FAM107B: variants seen among roughly 807,000 people sequenced by gnomAD.
FAM107B encodes family with sequence similarity 107 member B.
A neutral mutation model predicts 31.5 loss-of-function variants in FAM107B; 21 were observed. That is an observed-to-expected ratio of 0.67 (90% CI 0.47 to 0.96). The LOEUF is 0.96. Among genes scored for constraint, FAM107B ranks in the 40% least tolerant of loss-of-function variants. FAM107B has a pLI of 0.00. For synonymous variants in FAM107B, 157 were observed against 141.5 expected (o/e 1.11, Z -0.78); for missense variants, 452 against 377.1 (o/e 1.20, Z -1.64).
intron 2 of FAM107B, among the ~76,000 whole-genome samples, chr10:14,656,875 G>A (rs1279938274): frequency 6.6e-6 from 1 of 152,172 alleles, no homozygotes; most frequent in African/African-American, 2.4e-5. Context: ...CTTACAACCT[G>A]GGCAAACTTC....
chr10:14,581,795 C>T (rs917546822), intron 2 of FAM107B, among the ~76,000 whole-genome samples: 2 of 152,118 alleles, frequency 1.3e-5, no homozygotes, highest in Admixed American at 6.5e-5. Flanking sequence ...CCCAGCTACT[C>T]GGGAGGCTGG....
intron 2 of FAM107B, among the ~76,000 whole-genome samples, chr10:14,581,232 G>A (rs192202878): frequency 7.5e-4 from 115 of 152,328 alleles, no homozygotes; most frequent in Admixed American, 1.2e-3. Context: ...AGGGTGGCCC[G>A]GAGGCCTCTG....
intron 3 of FAM107B, among the ~76,000 whole-genome samples, chr10:14,526,503 T>C (rs1372310201): frequency 1.3e-5 from 2 of 152,220 alleles, no homozygotes; most frequent in Non-Finnish European, 2.9e-5. Flanking sequence ...TCTTTAATCT[T>C]GTAATCTTTG....
chr10:14,569,137 G>C (rs1294642105), intron 2 of FAM107B, among the ~76,000 whole-genome samples: 1 of 152,118 alleles, frequency 6.6e-6, no homozygotes, highest in Non-Finnish European at 1.5e-5. Flanking sequence ...AATCATCCTC[G>C]TTCTGATGTT....
At chr10:14,653,357 T>C (rs1419499819) in intron 2 of FAM107B, among the ~76,000 whole-genome samples, 1 of 152,210 alleles carries the variant, frequency 6.6e-6, no homozygotes, top group Non-Finnish European at 1.5e-5. Flanking sequence ...GATCGAAATC[T>C]ATCTAAAAGG....
intron 2 of FAM107B, chr10:14,604,129 G>T: frequency 5.1e-6 from 1 of 196,338 alleles, no homozygotes; most frequent in Non-Finnish European, 8.7e-6. Context: ...CCACCCGCCC[G>T]GCCGCCCGCC....
Position 14,664,900 on chromosome 10 carries a change from T to A in FAM107B, c.469+2734A>T, listed in dbSNP as rs1352623755. On this transcript the variant is annotated intron_variant, in intron 2 of 4. Transcript: ENST00000181796. ...GGTTAATCAATATGGGAGATCTGGA[T>A]AGAATGAACTACAACTAGAAACACA... Among the ~76,000 whole-genome samples, 10 of 152,186 alleles carry A rather than the reference T, an allele frequency of 6.6e-5. No individual in the cohort carries two copies. The East Asian group carries it at 1.9e-3, about 29-fold the overall frequency.
intron 1 of FAM107B, among the ~76,000 whole-genome samples, chr10:14,767,020 G>GTATATATATATATATATA (rs1554757965): frequency 9.9e-5 from 3 of 30,412 alleles, no homozygotes; most frequent in South Asian, 2.4e-3. Context: ...TCCCTGATGT[G>GTATATATATATATATATA]TATGTATATA....
rs373592033 is a variant in FAM107B at position 14,596,319 on chromosome 10, T to C, written c.470-65804A>G. On this transcript the variant is annotated intron_variant, in intron 2 of 4. Coordinates refer to ENST00000181796, the MANE Select transcript of FAM107B (RefSeq NM_031453.4). ...CTGACCATGGGAATCACCTCATCCA[T>C]GTATCTGTTTACCTTCTGTCATGCA... Among the ~76,000 whole-genome samples the C allele has an allele frequency of 4.6e-5, 7 of 152,304 alleles. No individual in the cohort carries two copies. The South Asian group carries it at 1.4e-3, about 32-fold the overall frequency.
chr10:14,771,393 AC>A (rs1263835225), intron 1 of FAM107B, among the ~76,000 whole-genome samples: 5 of 152,244 alleles, frequency 3.3e-5, no homozygotes, highest in Non-Finnish European at 5.9e-5. Flanking sequence ...GTTAGAAGGA[AC>A]AAATTCGAGT....
intron 2 of FAM107B, among the ~76,000 whole-genome samples, chr10:14,657,303 TA>T (rs1171871325): frequency 6.6e-6 from 1 of 152,174 alleles, no homozygotes; most frequent in Admixed American, 6.5e-5. Flanking sequence ...TAACACCACT[TA>T]ACAGATTCGG....
chr10:14,530,173 G>A, intron 3 of FAM107B, 159 bp downstream of exon 3: 1 of 787,424 alleles, frequency 1.3e-6, no homozygotes, highest in Non-Finnish European at 2.0e-6. Flanking sequence ...GCCTCACGGA[G>A]GGGTAACCCG....
At chr10:14,731,825 T>A (rs548477844) in intron 1 of FAM107B, among the ~76,000 whole-genome samples, 1 of 152,286 alleles carries the variant, frequency 6.6e-6, no homozygotes, top group East Asian at 1.9e-4. Context: ...GGCTACAGCA[T>A]CCAGCCCAGG....
At chr10:14,660,745 A>G (rs1854212768) in intron 2 of FAM107B, among the ~76,000 whole-genome samples, 1 of 152,250 alleles carries the variant, frequency 6.6e-6, no homozygotes, top group Non-Finnish European at 1.5e-5. Flanking sequence ...GAATAAGAAG[A>G]GAGTAAATGA....
chr10:14,746,228 A>G lies in FAM107B; in HGVS notation c.411+28025T>C, dbSNP rs1337867417. On this transcript the variant is annotated intron_variant, in intron 1 of 4. Coordinates refer to ENST00000181796, the MANE Select transcript of FAM107B (RefSeq NM_031453.4). The stretch of plus-strand genomic sequence containing the variant: ...ATAGGTCTCTTGAATCAGCACACCA[A>G]TGGGTTTTGACTCTTTAGCCAGCTT... Among the ~76,000 whole-genome samples the G allele has an allele frequency of 2.0e-5, 3 of 152,228 alleles. No individual in the cohort carries two copies. In the East Asian group the frequency reaches 5.8e-4, roughly 29 times the overall value.
intron 2 of FAM107B, among the ~76,000 whole-genome samples, chr10:14,597,159 G>A (rs994581890): frequency 3.9e-5 from 6 of 152,152 alleles, no homozygotes; most frequent in African/African-American, 1.4e-4. Flanking sequence ...ATATTATGAA[G>A]CCCCCTCTAC....
intron 1 of FAM107B, among the ~76,000 whole-genome samples, chr10:14,715,979 T>C (rs1855770415): frequency 6.6e-6 from 1 of 152,196 alleles, no homozygotes; most frequent in Non-Finnish European, 1.5e-5. Flanking sequence ...AAATCCCTCC[T>C]TATAAATCTA....
intron 1 of FAM107B, among the ~76,000 whole-genome samples, chr10:14,747,989 T>C (rs540793098): frequency 6.6e-6 from 1 of 152,350 alleles, no homozygotes; most frequent in East Asian, 1.9e-4. Context: ...GAAGTTCTTC[T>C]TCCTGAAACA....
In FAM107B at chr10:14,724,700, C is replaced by A. The variant is rs201341731; in HGVS notation, c.411+49553G>T. ...ACCATCCCAGAAGGAAAAAAAAAAA[C>A]AACACCTAAACATCGTCACACAAGT... On this transcript the variant is annotated intron_variant, in intron 1 of 4. Coordinates refer to ENST00000181796, the MANE Select transcript of FAM107B (RefSeq NM_031453.4). Among the ~76,000 whole-genome samples the A allele has an allele frequency of 4.9e-3, 745 of 151,226 alleles. 4 individuals carry two copies. The highest frequency in any genetic ancestry group is 0.017 in the African/African-American group (702 of 41,274).
Sources: gnomAD v4.1 joint callset for allele counts (sites outside exome capture counted in the v4.1 genomes callset) on GRCh38, gnomAD v4.1.1 for gene constraint, MANE v1.5 for transcripts, NCBI Gene and HGNC (gene_info 2026-07-23, HGNC 2026-07-21) for gene names.